SLC4A4: variants seen among roughly 807,000 people sequenced by gnomAD.
SLC4A4 encodes the protein solute carrier family 4 member 4, also known as electrogenic sodium bicarbonate cotransporter 1.
A neutral mutation model predicts 111.5 loss-of-function variants in SLC4A4; 27 were observed. That is an observed-to-expected ratio of 0.24 (90% CI 0.18 to 0.33). SLC4A4 has a LOEUF of 0.33. Among genes scored for constraint, SLC4A4 ranks in the 10% least tolerant of loss-of-function variants. SLC4A4 has a pLI of 1.00. For synonymous variants in SLC4A4, 443 were observed against 463.4 expected, an observed-to-expected ratio of 0.96 and a Z score of 0.57; for missense variants, 909 against 1,315.5, an observed-to-expected ratio of 0.69 and a Z score of 4.78.
intron 3 of SLC4A4, among the ~76,000 whole-genome samples, chr4:71,332,483 C>A (rs1430207749): frequency 1.4e-5 from 2 of 142,010 alleles, no homozygotes; most frequent in African/African-American, 2.6e-5. Flanking sequence ...CTCGTTCTGT[C>A]GCCCAGGCGG....
chr4:71,335,126 T>A (rs1728328806), intron 3 of SLC4A4, among the ~76,000 whole-genome samples: 1 of 152,112 alleles, frequency 6.6e-6, no homozygotes, highest in Non-Finnish European at 1.5e-5. Flanking sequence ...CTATTCTTAT[T>A]ACCTAGGTGG....
At chr4:71,356,649 T>A (rs1261327356) in intron 5 of SLC4A4, among the ~76,000 whole-genome samples, 1 of 152,252 alleles carries the variant, frequency 6.6e-6, no homozygotes, top group African/African-American at 2.4e-5. Context: ...TTTTTAAATA[T>A]CATTTATATT....
chr4:71,259,052 C>T (rs1721659571), intron 3 of SLC4A4, among the ~76,000 whole-genome samples: 1 of 152,098 alleles, frequency 6.6e-6, no homozygotes, highest in African/African-American at 2.4e-5. Flanking sequence ...TCATCAGAGC[C>T]CAGGAGTTTG....
Position 71,413,619 on chromosome 4 carries a change from A to G in SLC4A4, c.807+15966A>G, listed in dbSNP as rs575273594. Among the ~76,000 whole-genome samples, 49 of 152,242 alleles carry G rather than the reference A, an allele frequency of 3.2e-4. 1 individual carries two copies. In the South Asian group the frequency reaches 5.4e-3, roughly 17 times the overall value. On this transcript the variant is annotated intron_variant, in intron 7 of 25. Transcript: ENST00000264485. ...GAAAAAAAGAAAAGTATTTTAGTGG[A>G]TGATTCTTTTAATGGTTTTCTGTCC... is the stretch of plus-strand genomic sequence containing the variant.
At chr4:71,344,399 G>A (rs576429479) in intron 4 of SLC4A4, among the ~76,000 whole-genome samples, 121 of 152,170 alleles carry the variant, frequency 8.0e-4, no homozygotes, top group Admixed American at 1.4e-3. Context: ...ACTCCCATTT[G>A]TGATGTCTAG....
intron 7 of SLC4A4, among the ~76,000 whole-genome samples, chr4:71,416,037 GA>G (rs1434945817): frequency 6.6e-6 from 1 of 152,200 alleles, no homozygotes; most frequent in East Asian, 1.9e-4. Context: ...ATAAATGGAA[GA>G]ACTGAGATTT....
At chr4:71,245,324 T>G (rs780230190) in intron 2 of SLC4A4, among the ~76,000 whole-genome samples, 1 of 152,168 alleles carries the variant, frequency 6.6e-6, no homozygotes, top group Non-Finnish European at 1.5e-5. Context: ...CAAATTTGTA[T>G]TTTAGAAAAG....
intron 2 of SLC4A4, among the ~76,000 whole-genome samples, chr4:71,138,411 A>G (rs1743902423): frequency 6.6e-6 from 1 of 152,208 alleles, no homozygotes; most frequent in African/African-American, 2.4e-5. Context: ...CACATTAAGC[A>G]GAGCCTATGG....
At chr4:71,222,151 C>T (rs568210936) in intron 1 of SLC4A4, among the ~76,000 whole-genome samples, 1 of 152,302 alleles carries the variant, frequency 6.6e-6, no homozygotes, top group East Asian at 1.9e-4. Context: ...CTTCCAGACC[C>T]AAAGCAGCCT....
chr4:71,552,721 G>T (rs1480055006), intron 20 of SLC4A4, among the ~76,000 whole-genome samples: 2 of 151,638 alleles, frequency 1.3e-5, no homozygotes, highest in South Asian at 2.1e-4. Context: ...GGGTATGATT[G>T]GTTATCCATA....
At chr4:71,340,272 T>G (rs1172387569) in intron 4 of SLC4A4, among the ~76,000 whole-genome samples, 1 of 152,080 alleles carries the variant, frequency 6.6e-6, no homozygotes, top group East Asian at 1.9e-4. Context: ...ATGAGGAAAG[T>G]TGCTCTTATG....
chr4:71,153,041 A>ATATC (rs1744356272), intron 2 of SLC4A4, among the ~76,000 whole-genome samples: 1 of 147,312 alleles, frequency 6.8e-6, no homozygotes, highest in African/African-American at 2.5e-5. Flanking sequence ...GTGTATATAT[A>ATATC]TATATATATA....
chr4:71,079,527 G>A (rs1200623900), intron 1 of SLC4A4, among the ~76,000 whole-genome samples: 1 of 152,174 alleles, frequency 6.6e-6, no homozygotes, highest in Non-Finnish European at 1.5e-5. Flanking sequence ...TATAATCCCA[G>A]CACTTTGGGA....
chr4:71,252,394 C>G (rs1447552542), intron 2 of SLC4A4, among the ~76,000 whole-genome samples: 1 of 152,160 alleles, frequency 6.6e-6, no homozygotes, highest in Non-Finnish European at 1.5e-5. Flanking sequence ...TGAGAAGTAA[C>G]TGATGGAGCA....
At chr4:71,141,803 C>G (rs1178245827) in intron 2 of SLC4A4, among the ~76,000 whole-genome samples, 3 of 152,144 alleles carry the variant, frequency 2.0e-5, no homozygotes, top group Non-Finnish European at 4.4e-5. Flanking sequence ...TTGATATATA[C>G]TAAAGTGAGA....
chr4:71,453,054 A>G (rs972298660), intron 11 of SLC4A4, among the ~76,000 whole-genome samples: 1 of 152,170 alleles, frequency 6.6e-6, no homozygotes, highest in African/African-American at 2.4e-5. Flanking sequence ...GTGTGGGCAT[A>G]TCGCAGGTGC....
intron 23 of SLC4A4, among the ~76,000 whole-genome samples, chr4:71,561,665 T>C (rs1418317468): frequency 1.3e-5 from 2 of 151,918 alleles, no homozygotes; most frequent in Non-Finnish European, 2.9e-5. Context: ...GGTATATAGA[T>C]TTTGTTTCCA....
At chr4:71,197,553 A>G (rs1327774143) in intron 1 of SLC4A4, among the ~76,000 whole-genome samples, 1 of 152,230 alleles carries the variant, frequency 6.6e-6, no homozygotes, top group Non-Finnish European at 1.5e-5. Flanking sequence ...TTGCAAAAAT[A>G]CAGTGCAGAG....
At chr4:71,520,265 C>T (rs1732806317) in intron 16 of SLC4A4, among the ~76,000 whole-genome samples, 1 of 152,192 alleles carries the variant, frequency 6.6e-6, no homozygotes, top group Non-Finnish European at 1.5e-5. Flanking sequence ...TTAGCTTACA[C>T]AGTCATTTCT....
Sources: allele counts gnomAD v4.1 joint callset (sites outside exome capture counted in the v4.1 genomes callset), GRCh38; gene constraint gnomAD v4.1.1; transcripts MANE v1.5; gene names NCBI Gene and HGNC (gene_info 2026-07-23, HGNC 2026-07-21).